Variants in THAP9 observed in about 807,000 individuals in gnomAD.
THAP9 encodes the protein THAP domain containing 9.
Under a neutral mutation model 35.7 loss-of-function variants are expected in THAP9, and 20 were observed. The observed-to-expected ratio is 0.56, with a 90% CI of 0.39 to 0.81. THAP9 has a LOEUF of 0.81. Among genes scored for constraint, THAP9 ranks in the 40% least tolerant of loss-of-function variants. THAP9 has a pLI of 0.00. For synonymous variants in THAP9, 335 were observed against 373.7 expected (o/e 0.90, Z 1.19); for missense variants, 870 against 1,047.4 (o/e 0.83, Z 2.34).
chr4:82,904,475 G>A (rs763788179), intron 1 of THAP9, among the ~76,000 whole-genome samples: 26 of 152,100 alleles, frequency 1.7e-4, no homozygotes, highest in Admixed American at 7.2e-4. Flanking sequence ...TTAAGTGTAG[G>A]AAGTGAAGAC....
intron 1 of THAP9, among the ~76,000 whole-genome samples, chr4:82,902,105 CTTTTTTTTTTT>C (rs768693634): frequency 1.9e-5 from 2 of 104,498 alleles, no homozygotes; most frequent in African/African-American, 3.8e-5. Context: ...CATTTTCCTT[CTTTTTTTTTTT>C]TTTTTTTTTG....
intron 4 of THAP9, among the ~76,000 whole-genome samples, chr4:82,914,215 T>G (rs1720965542): frequency 6.6e-6 from 1 of 152,246 alleles, no homozygotes; most frequent in Admixed American, 6.5e-5. Context: ...TGCATTTTCT[T>G]TATTCAGTGT....
In THAP9 at chr4:82,904,793, C is replaced by T. The variant is rs1168455115; in HGVS notation, c.138C>T (p.Asp46=). 1 of 1,613,942 alleles carries T rather than the reference C, an allele frequency of 6.2e-7. No homozygotes were observed. Among genetic ancestry groups the T allele is most frequent in the African/African-American group, 1.3e-5 (1 of 74,904 alleles). ...SKWIRAVNRV[D]PRSKKIWIPG... is the part of the protein sequence containing the mutation. ...GGATCAGGGCTGTTAATCGTGTGGA[C>T]CCCAGAAGCAAAAAGATTTGGATTC... Residue 46 remains aspartate, a synonymous_variant, in exon 2 of 5, where the codon GAC becomes GAT. Transcript: ENST00000302236.
intron 4 of THAP9, among the ~76,000 whole-genome samples, chr4:82,913,636 T>C (rs1720942250): frequency 6.6e-6 from 1 of 152,164 alleles, no homozygotes; most frequent in Admixed American, 6.5e-5. Flanking sequence ...ACTCCTGTCG[T>C]GGGGGTTTGT....
At position 82,917,695 on chromosome 4, in the gene THAP9, T is replaced by C. The variant is rs1721086709; in HGVS notation, c.1483T>C (p.Ser495Pro). 6.2e-7 allele frequency: 1 copy of C among 1,612,742 alleles called. No individual in the cohort carries two copies. Among genetic ancestry groups the C allele is most frequent in the African/African-American group, 1.3e-5 (1 of 74,880 alleles). ...SVASALEYLL[S>P]LDLPPFQNCI... is the part of the protein sequence containing the mutation. ...AGCCAGTGCATTAGAATATTTGTTATCCTTAGACCTGCCACCTTTTCAAAA... is the reference window on the plus strand; with the variant it reads ...AGCCAGTGCATTAGAATATTTGTTACCCTTAGACCTGCCACCTTTTCAAAA... The change falls in exon 5 of 5, where the codon TCC (serine) becomes CCC (proline). Residue 495 changes from serine (S) to proline (P), a missense_variant. Ser to Pro is a moderately conservative substitution (Grantham distance 74, BLOSUM62 -1). Around this residue, in one of 3 missense-constraint regions of THAP9, gnomAD observed 414 missense variants for 500.8 expected, o/e 0.83. Coordinates refer to ENST00000302236, the MANE Select transcript of THAP9 (RefSeq NM_024672.6).
intron 1 of THAP9, among the ~76,000 whole-genome samples, chr4:82,904,210 C>T (rs886999265): frequency 6.6e-5 from 10 of 151,648 alleles, no homozygotes; most frequent in Non-Finnish European, 1.2e-4. Flanking sequence ...ATTACAGGCA[C>T]CCGCCACCAC....
At chr4:82,908,124 A>G (rs1240185412) in intron 4 of THAP9, among the ~76,000 whole-genome samples, 189 bp downstream of exon 4, 8 of 152,190 alleles carry the variant, frequency 5.3e-5, no homozygotes, top group African/African-American at 1.7e-4. Context: ...ATGGACTCCC[A>G]TTATTAGCCC....
chr4:82,900,958 G>A (rs1448111334), intron 1 of THAP9, 76 bp downstream of exon 1: 2 of 1,552,654 alleles, frequency 1.3e-6, no homozygotes, highest in Non-Finnish European at 1.8e-6. Context: ...GTGGGGCGGG[G>A]CCGGGCCGCA....
Position 82,912,304 on chromosome 4 carries a change from TG to T in THAP9, c.731+4370del, listed in dbSNP as rs150488709. On this transcript the variant is annotated intron_variant, in intron 4 of 4. Coordinates refer to ENST00000302236, the MANE Select transcript of THAP9 (RefSeq NM_024672.6). ...AGTTGCTCTTTATTTATATTTCCTC[TG>T]TTTCTAATTTTTGGTTTATATTCAC... Among the ~76,000 whole-genome samples, 1,118 of 152,332 alleles carry T rather than the reference TG, an allele frequency of 7.3e-3. 15 individuals carry two copies. The highest frequency in any genetic ancestry group is 0.01 in the Middle Eastern group (3 of 294).
chr4:82,915,525 G>T (rs1435214725), intron 4 of THAP9, among the ~76,000 whole-genome samples: 1 of 152,124 alleles, frequency 6.6e-6, no homozygotes, highest in Non-Finnish European at 1.5e-5. Context: ...CCAAAGTGCT[G>T]GGATTATAGG....
intron 4 of THAP9, among the ~76,000 whole-genome samples, chr4:82,914,970 C>T (rs778688100): frequency 6.6e-6 from 1 of 152,096 alleles, no homozygotes; most frequent in Non-Finnish European, 1.5e-5. Flanking sequence ...TTTAATCCAT[C>T]GTGAGTTAAT....
At chr4:82,905,180 A>G (rs1388028637) in intron 2 of THAP9, among the ~76,000 whole-genome samples, 1 of 152,212 alleles carries the variant, frequency 6.6e-6, no homozygotes, top group African/African-American at 2.4e-5. Context: ...ACCAATTGCA[A>G]AAATCAACTG....
chr4:82,902,439 G>A (rs1294252061), intron 1 of THAP9, among the ~76,000 whole-genome samples: 1 of 152,020 alleles, frequency 6.6e-6, no homozygotes, highest in Non-Finnish European at 1.5e-5. Context: ...CACTGTTTGG[G>A]GCTGCCTTCA....
intron 4 of THAP9, among the ~76,000 whole-genome samples, chr4:82,914,679 ATTTG>A (rs1720981710): frequency 6.6e-6 from 1 of 151,986 alleles, no homozygotes; most frequent in African/African-American, 2.4e-5. Context: ...TCTCTTGTAA[ATTTG>A]TTTAAGTTTC....
At position 82,918,023 on chromosome 4, in the gene THAP9, C is replaced by T. The variant is rs1158721143; in HGVS notation, c.1811C>T (p.Thr604Ile). 6.2e-7 allele frequency: 1 copy of T among 1,614,008 alleles called. No individual in the cohort carries two copies. Among genetic ancestry groups the T allele is most frequent in the Non-Finnish European group, 8.5e-7 (1 of 1,179,984 alleles). ...PKVMPFPYLL[T>I]YKFSHDHLEL... is the part of the protein sequence containing the mutation. ...GTCATGCCTTTTCCTTATCTTCTGA[C>T]TTACAAATTCAGTCATGATCATCTG... is the stretch of plus-strand genomic sequence containing the variant. The change falls in exon 5 of 5, where the codon ACT becomes ATT. Residue 604 changes from threonine to isoleucine, a missense_variant. Thr to Ile is a moderately conservative substitution (Grantham distance 89). Around this residue, in one of 3 missense-constraint regions of THAP9, gnomAD observed 414 missense variants for 500.8 expected, o/e 0.83. Coordinates refer to ENST00000302236, the MANE Select transcript of THAP9 (RefSeq NM_024672.6).
chr4:82,906,385 C>T lies in THAP9; in HGVS notation c.338C>T (p.Pro113Leu). The T allele has an allele frequency of 1.2e-6, 2 of 1,613,042 alleles. No individual in the cohort carries two copies. Among genetic ancestry groups the T allele is most frequent in the Non-Finnish European group, 8.5e-7 (1 of 1,179,306 alleles). Residue 113 changes from proline (P) to leucine (L), a missense_variant, in exon 3 of 5, where the codon CCA (proline) becomes CTA (leucine). By Grantham distance (98) the Pro-to-Leu change is moderately conservative (BLOSUM62 -3). Coordinates refer to ENST00000302236, the MANE Select transcript of THAP9 (RefSeq NM_024672.6). ...CAAAAAATCCTAAAACAACCTCTTC[C>T]AGACAATTCTCAAGAAGTTGCTACT... ...ARQKILKQPL[P>L]DNSQEVATED...
rs1720355086 is a variant in THAP9, at chr4:82,901,314, A to G, written c.80+432A>G. On this transcript the variant is annotated intron_variant, in intron 1 of 4. Transcript: ENST00000302236. ...TTAAGTGCTGTTAGCCGAGCTGTGC[A>G]AGGCCGGTCCGATTCTGGCTGGATT... is the stretch of plus-strand genomic sequence containing the variant. The G allele has an allele frequency of 1.1e-5, 4 of 380,274 alleles. No homozygotes were observed. The Admixed American group carries it at 1.3e-4, about 12-fold the overall frequency. The allele number at this position is 380,274 out of a possible 1,614,324, so 23.6% of individuals were successfully genotyped here.
At chr4:82,911,338 T>C (rs1720857417) in intron 4 of THAP9, among the ~76,000 whole-genome samples, 1 of 151,840 alleles carries the variant, frequency 6.6e-6, no homozygotes, top group Non-Finnish European at 1.5e-5. Context: ...ATGCCTGTAA[T>C]CCCAGCACTT....
At chr4:82,913,333 GT>G (rs1249157065) in intron 4 of THAP9, 2 of 151,984 alleles carry the variant, frequency 1.3e-5, no homozygotes, top group Non-Finnish European at 2.9e-5. Context: ...TAAGTTGGTT[GT>G]TTTTTTAACC....
Sources: gnomAD v4.1 joint callset for allele counts (sites outside exome capture counted in the v4.1 genomes callset) on GRCh38, gnomAD v4.1.1 for gene constraint, gnomAD v4.1.1 regional missense constraint, MANE v1.5 for transcripts, NCBI Gene and HGNC (gene_info 2026-07-23, HGNC 2026-07-21) for gene names.